RAB31: variants seen among roughly 807,000 people sequenced by gnomAD.
The protein encoded by RAB31 is ras-related protein Rab-31.
A neutral mutation model predicts 25.6 loss-of-function variants in RAB31; 21 were observed. The ratio of observed to expected loss-of-function variants is 0.82; its 90% CI spans 0.58 to 1.18. The LOEUF (loss-of-function observed/expected upper bound fraction) is 1.18, where lower values mean the gene tolerates loss of function less well. Among genes scored for constraint, RAB31 ranks in the 50% most tolerant of loss-of-function variants. The pLI, the probability that RAB31 is intolerant of heterozygous loss-of-function variation, is 0.00. For synonymous variants in RAB31, 87 were observed against 84.0 expected (o/e 1.04, Z -0.20); for missense variants, 196 against 250.1 (o/e 0.78, Z 1.46).
chr18:9,847,726 C>T (rs2068768764), intron 6 of RAB31, among the ~76,000 whole-genome samples: 1 of 152,080 alleles, frequency 6.6e-6, no homozygotes, highest in African/African-American at 2.4e-5. Flanking sequence ...GTGTGCACCA[C>T]CACACTCAGC....
In RAB31 at chr18:9,859,553, G is replaced by T; in HGVS notation, c.*228G>T. 2.7e-6 allele frequency: 1 copy of T among 369,616 alleles called. No individual in the cohort carries two copies. Among genetic ancestry groups the T allele is most frequent in the Non-Finnish European group, 4.8e-6 (1 of 208,232 alleles). 22.9% of individuals were successfully genotyped at this position (369,616 alleles called of 1,614,324 possible). On this transcript the variant is annotated 3_prime_UTR_variant, in exon 7 of 7. Transcript: ENST00000578921. ...CACCACAAAATGGCCTTTAGTGTAT[G>T]AAATGCACATGGAGGGGATGTAGTT...
At chr18:9,710,890 G>A (rs11872195) in intron 1 of RAB31, among the ~76,000 whole-genome samples, 56,960 of 150,620 alleles carry the variant, frequency 0.38, 11,708 homozygotes, top group African/African-American at 0.55. Flanking sequence ...AGAAACATCA[G>A]TCATATCACA....
At chr18:9,737,594 C>T (rs12966005) in intron 1 of RAB31, among the ~76,000 whole-genome samples, 2 of 151,972 alleles carry the variant, frequency 1.3e-5, no homozygotes, top group African/African-American at 2.4e-5. Context: ...TCCTCTCCTG[C>T]GGCTCTTCTG....
intron 3 of RAB31, among the ~76,000 whole-genome samples, chr18:9,798,957 A>C (rs769539725): frequency 3.3e-5 from 5 of 152,154 alleles, no homozygotes; most frequent in Non-Finnish European, 7.4e-5. Flanking sequence ...GCGTGGTGGC[A>C]CTTGTAGTCC....
intron 6 of RAB31, among the ~76,000 whole-genome samples, chr18:9,857,690 A>AGAT (rs747456029): frequency 0.029 from 2,520 of 85,578 alleles, 23 homozygotes; most frequent in East Asian, 0.055. Flanking sequence ...GATAGATGAT[A>AGAT]GATAGATAGA....
rs1065560 is a variant in RAB31, at chr18:9,860,538, A to G, written c.*1213A>G. ...CAAAGGAAGTCAAGGAAGAAAAAGC[A>G]TGGAAAGGAAGAGAACTGATTCCTA... On this transcript the variant is annotated 3_prime_UTR_variant, in exon 7 of 7. Coordinates refer to ENST00000578921, the MANE Select transcript of RAB31 (RefSeq NM_006868.4). 74,554 of 151,560 alleles carry G rather than the reference A, an allele frequency of 0.49. 18,675 individuals carry two copies. Among genetic ancestry groups the G allele is most frequent in the East Asian group, 0.68 (3,513 of 5,144 alleles). 9.4% of individuals were successfully genotyped at this position (151,560 alleles called of 1,614,324 possible).
At chr18:9,819,933 T>A (rs1011565207) in intron 5 of RAB31, among the ~76,000 whole-genome samples, 5 of 152,112 alleles carry the variant, frequency 3.3e-5, no homozygotes, top group Admixed American at 2.6e-4. Flanking sequence ...CCTGAACTCA[T>A]TTATTAATTT....
rs564567047 is a variant in RAB31 at position 9,748,548 on chromosome 18, G to A, written c.40-26730G>A. On this transcript the variant is annotated intron_variant, in intron 1 of 6. Coordinates refer to ENST00000578921, the MANE Select transcript of RAB31 (RefSeq NM_006868.4). ...ATTTATATAGATTAGCCTAAAGAAC[G>A]TAAAATTTGTATCCTAATTCCTCTA... Among the ~76,000 whole-genome samples, 5 of 151,658 alleles carry A rather than the reference G, an allele frequency of 3.3e-5. No individual in the cohort carries two copies. In the South Asian group the frequency reaches 6.2e-4, roughly 19 times the overall value.
At chr18:9,724,056 G>T (rs1394349183) in intron 1 of RAB31, among the ~76,000 whole-genome samples, 4 of 151,818 alleles carry the variant, frequency 2.6e-5, no homozygotes, top group African/African-American at 7.3e-5. Flanking sequence ...CAGATCACAA[G>T]GTCAGGAGAT....
At chr18:9,821,195 G>A (rs35732254) in intron 5 of RAB31, among the ~76,000 whole-genome samples, 30,120 of 151,912 alleles carry the variant, frequency 0.2, 3,642 homozygotes, top group Non-Finnish European at 0.28. Flanking sequence ...ATTGTAATCT[G>A]AAACATACTT....
chr18:9,750,443 G>C (rs1031869875), intron 1 of RAB31, among the ~76,000 whole-genome samples: 6 of 152,162 alleles, frequency 3.9e-5, no homozygotes, highest in African/African-American at 1.4e-4. Context: ...AAAAATGCAG[G>C]CTTGGCATGC....
chr18:9,861,442 C>G lies in RAB31; in HGVS notation c.*2117C>G, dbSNP rs920641684. 2 of 152,152 alleles carry G rather than the reference C, an allele frequency of 1.3e-5. No individual in the cohort carries two copies. Among genetic ancestry groups the G allele is most frequent in the African/African-American group, 4.8e-5 (2 of 41,422 alleles). 9.4% of individuals were successfully genotyped at this position (152,152 alleles called of 1,614,324 possible). A position where few individuals can be genotyped will look rare whatever the true frequency, so the allele number is the denominator to read the frequency against. ...TATTGTCTTAGCTATTCAAGCCAGTCAGAGGATAATATATATATTCTCATC... is the reference window on the plus strand; with the variant it reads ...TATTGTCTTAGCTATTCAAGCCAGTGAGAGGATAATATATATATTCTCATC... On this transcript the variant is annotated 3_prime_UTR_variant, in exon 7 of 7. Transcript: ENST00000578921.
chr18:9,809,484 A>C (rs952763209), intron 3 of RAB31, among the ~76,000 whole-genome samples: 11 of 151,594 alleles, frequency 7.3e-5, no homozygotes, highest in Non-Finnish European at 1.2e-4. Flanking sequence ...TGCTTTGTAA[A>C]CCTCCAGGGA....
At chr18:9,838,172 G>C (rs2143120645) in intron 5 of RAB31, among the ~76,000 whole-genome samples, 1 of 152,292 alleles carries the variant, frequency 6.6e-6, no homozygotes, top group Admixed American at 6.5e-5. Context: ...CACCCAGCCT[G>C]GTGGAATGCA....
intron 1 of RAB31, among the ~76,000 whole-genome samples, chr18:9,754,132 A>G (rs755542240): frequency 5.3e-5 from 8 of 152,276 alleles, no homozygotes; most frequent in African/African-American, 1.2e-4. Flanking sequence ...GTCTAGCACT[A>G]TATCTTGTCC....
At chr18:9,856,834 C>T (rs2068818493) in intron 6 of RAB31, among the ~76,000 whole-genome samples, 1 of 152,140 alleles carries the variant, frequency 6.6e-6, no homozygotes, top group South Asian at 2.1e-4. Context: ...CACTGTCACC[C>T]CTTTCTCTTC....
chr18:9,786,194 C>T (rs1054890553), intron 2 of RAB31, among the ~76,000 whole-genome samples: 2 of 152,062 alleles, frequency 1.3e-5, no homozygotes, highest in Non-Finnish European at 2.9e-5. Flanking sequence ...AAGAGAATGC[C>T]TATGTAATGA....
intron 3 of RAB31, among the ~76,000 whole-genome samples, chr18:9,806,126 G>A (rs1006238839): frequency 6.6e-6 from 1 of 151,198 alleles, no homozygotes; most frequent in African/African-American, 2.4e-5. Context: ...GCAGTGAGCC[G>A]AGATGGCGCC....
intron 5 of RAB31, among the ~76,000 whole-genome samples, chr18:9,836,254 C>G (rs987214874): frequency 9.1e-4 from 139 of 152,056 alleles, no homozygotes; most frequent in African/African-American, 3.2e-3. Context: ...TGTTACATTC[C>G]AGGAGTCTGG....
Sources: gnomAD v4.1 joint callset for allele counts (sites outside exome capture counted in the v4.1 genomes callset) on GRCh38, gnomAD v4.1.1 for gene constraint, MANE v1.5 for transcripts, NCBI Gene and HGNC (gene_info 2026-07-23, HGNC 2026-07-21) for gene names.